The following TAFA5 variants were observed in gnomAD, a reference collection of about 807,000 sequenced individuals.
TAFA5 encodes the protein chemokine-like protein TAFA-5.
A neutral mutation model predicts 15.3 loss-of-function variants in TAFA5; 6 were observed. That is an observed-to-expected ratio of 0.39 (90% CI 0.21 to 0.77). The LOEUF is 0.77. Ranked by LOEUF, TAFA5 falls within the 30% of genes least tolerant of loss-of-function variation. The pLI is 0.41. For missense variants in TAFA5, 161 were observed against 193.1 expected (o/e 0.83, Z 0.98); for synonymous variants, 103 against 80.7 (o/e 1.28, Z -1.48).
intron 3 of TAFA5, among the ~76,000 whole-genome samples, chr22:48,724,870 C>T (rs1356421053): frequency 6.6e-6 from 1 of 152,244 alleles, no homozygotes; most frequent in Admixed American, 6.5e-5. Context: ...AGCTCCCAGC[C>T]TGCGGCATGG....
At chr22:48,731,511 G>C (rs1429684318) in intron 3 of TAFA5, among the ~76,000 whole-genome samples, 1 of 152,228 alleles carries the variant, frequency 6.6e-6, no homozygotes, top group African/African-American at 2.4e-5. Flanking sequence ...TCTCTTGTTA[G>C]AGGCTAATGC....
chr22:48,584,604 CCACACACGCATG>C (rs1411337335), intron 1 of TAFA5, among the ~76,000 whole-genome samples: 1 of 148,700 alleles, frequency 6.7e-6, no homozygotes, highest in Admixed American at 6.7e-5. Flanking sequence ...ACACACCACA[CCACACACGCATG>C]CACACACACC....
At chr22:48,713,257 G>A (rs894309414) in intron 3 of TAFA5, among the ~76,000 whole-genome samples, 3 of 152,220 alleles carry the variant, frequency 2.0e-5, no homozygotes, top group Non-Finnish European at 4.4e-5. Context: ...TTTGCCCAAC[G>A]TGAGAGATTC....
intron 1 of TAFA5, among the ~76,000 whole-genome samples, chr22:48,496,121 C>A (rs1366202527): frequency 6.6e-6 from 1 of 152,246 alleles, no homozygotes; most frequent in Non-Finnish European, 1.5e-5. Flanking sequence ...AGAGGATCCC[C>A]TGCTTCCTGA....
intron 3 of TAFA5, among the ~76,000 whole-genome samples, chr22:48,718,412 T>C (rs1396530615): frequency 6.6e-6 from 1 of 151,782 alleles, no homozygotes; most frequent in Non-Finnish European, 1.5e-5. Context: ...AGTCAAGAGG[T>C]GTCTTGAGGG....
At chr22:48,650,410 A>G (rs1927010855) in intron 2 of TAFA5, among the ~76,000 whole-genome samples, 1 of 152,204 alleles carries the variant, frequency 6.6e-6, no homozygotes, top group Non-Finnish European at 1.5e-5. Context: ...CCCAATACAG[A>G]GAGCCATGCA....
rs1206988654 is a variant in TAFA5, at chr22:48,575,633, C to G, written c.113-70964C>G. Among the ~76,000 whole-genome samples, 4 of 146,404 alleles carry G rather than the reference C, an allele frequency of 2.7e-5. No individual in the cohort carries two copies. The East Asian group carries it at 7.9e-4, about 29-fold the overall frequency. ...CGGCACCGACACCGGCAGCGGCGGC[C>G]CAGCGTGGGCAGCCCAGGGGCGCGG... On this transcript the variant is annotated intron_variant, in intron 1 of 3. Coordinates refer to ENST00000402357, the MANE Select transcript of TAFA5 (RefSeq NM_001082967.3).
intron 2 of TAFA5, among the ~76,000 whole-genome samples, chr22:48,698,257 C>A (rs1403494513): frequency 6.6e-6 from 1 of 151,562 alleles, no homozygotes; most frequent in Admixed American, 6.6e-5. Flanking sequence ...AAGTGGATCA[C>A]CTGAGGTCAG....
chr22:48,641,360 G>A (rs1269847236), intron 1 of TAFA5, among the ~76,000 whole-genome samples: 1 of 152,172 alleles, frequency 6.6e-6, no homozygotes, highest in Non-Finnish European at 1.5e-5. Flanking sequence ...ATTTGGGGAT[G>A]TGTTCCGGGA....
intron 1 of TAFA5, among the ~76,000 whole-genome samples, chr22:48,600,976 G>C (rs958307629): frequency 6.6e-6 from 1 of 152,178 alleles, no homozygotes; most frequent in African/African-American, 2.4e-5. Context: ...TGCTCACGTC[G>C]TTCAGCCGGC....
rs143073024 is a variant in TAFA5, at chr22:48,627,248, G to T, written c.113-19349G>T. Among the ~76,000 whole-genome samples, 1,324 of 152,318 alleles carry T rather than the reference G, an allele frequency of 8.7e-3. 12 individuals are homozygous for T. Among genetic ancestry groups the T allele is most frequent in the Middle Eastern group, 0.024 (7 of 294 alleles). The stretch of plus-strand genomic sequence containing the variant: ...GTACCATCCTGGACCTCCCAAGTTG[G>T]CTCCTCCCAAGACAGGAAAGTCTGC... On this transcript the variant is annotated intron_variant, in intron 1 of 3. Transcript: ENST00000402357.
intron 1 of TAFA5, among the ~76,000 whole-genome samples, chr22:48,624,674 G>A (rs147999127): frequency 2.6e-5 from 4 of 152,300 alleles, no homozygotes; most frequent in African/African-American, 9.6e-5. Context: ...GTGACTGTGT[G>A]TTTTGAGCTG....
intron 2 of TAFA5, among the ~76,000 whole-genome samples, chr22:48,699,133 A>G (rs1928822575): frequency 1.3e-5 from 2 of 151,962 alleles, no homozygotes; most frequent in East Asian, 1.9e-4. Flanking sequence ...GGGTTTCACC[A>G]TGTTGGCCAG....
chr22:48,614,883 A>G (rs1233260945), intron 1 of TAFA5, among the ~76,000 whole-genome samples: 1 of 152,034 alleles, frequency 6.6e-6, no homozygotes, highest in African/African-American at 2.4e-5. Flanking sequence ...CCGGCCCTGG[A>G]GAGAAGGCCG....
intron 1 of TAFA5, among the ~76,000 whole-genome samples, chr22:48,579,937 G>A (rs564409118): frequency 6.6e-6 from 1 of 152,202 alleles, no homozygotes; most frequent in East Asian, 1.9e-4. Flanking sequence ...TTAAATGTGG[G>A]TTTGAGGTTC....
At chr22:48,650,891 A>T (rs1271666711) in intron 2 of TAFA5, among the ~76,000 whole-genome samples, 1 of 151,840 alleles carries the variant, frequency 6.6e-6, no homozygotes, top group Non-Finnish European at 1.5e-5. Flanking sequence ...GCTCCTTTCT[A>T]GCTGTTTATG....
chr22:48,716,531 C>A (rs9628613), intron 3 of TAFA5, among the ~76,000 whole-genome samples: 9,727 of 152,032 alleles, frequency 0.064, 378 homozygotes, highest in Admixed American at 0.096. Context: ...GGTGGGGGGC[C>A]AGGGGAGGGA....
chr22:48,573,927 A>G (rs894053900), intron 1 of TAFA5, among the ~76,000 whole-genome samples: 7 of 152,104 alleles, frequency 4.6e-5, no homozygotes, highest in African/African-American at 1.7e-4. Context: ...GCCAGGGGTG[A>G]GCACATGTGA....
intron 1 of TAFA5, among the ~76,000 whole-genome samples, chr22:48,606,067 G>A (rs1042469602): frequency 2.0e-5 from 3 of 152,152 alleles, no homozygotes; most frequent in Non-Finnish European, 2.9e-5. Flanking sequence ...GGGAGGCTTC[G>A]GAGCCGGGCA....
Sources: allele counts gnomAD v4.1 joint callset (sites outside exome capture counted in the v4.1 genomes callset), GRCh38; gene constraint gnomAD v4.1.1; transcripts MANE v1.5; gene names NCBI Gene and HGNC (gene_info 2026-07-23, HGNC 2026-07-21).